Variants in IGF2BP2 observed in about 807,000 individuals in gnomAD.
IGF2BP2 encodes insulin-like growth factor 2 mRNA-binding protein 2.
IGF2BP2 carries 17 observed loss-of-function variants against 75.8 expected under a neutral mutation model. The observed-to-expected ratio is 0.22, with a 90% confidence interval of 0.15 to 0.34. IGF2BP2 has a LOEUF of 0.34. Among genes scored for constraint, IGF2BP2 ranks in the 10% least tolerant of loss-of-function variants. The probability of loss-of-function intolerance (pLI) is 1.00; values close to 1 mark genes in which losing one functional copy is unlikely to be tolerated. For missense variants in IGF2BP2, 516 were observed against 772.4 expected (o/e 0.67, Z 3.93); for synonymous variants, 288 against 295.6 (o/e 0.97, Z 0.26).
intron 2 of IGF2BP2, among the ~76,000 whole-genome samples, chr3:185,719,424 G>A (rs1726158164): frequency 1.3e-5 from 2 of 152,192 alleles, no homozygotes. Context: ...ACACCCCTAC[G>A]CAGAGCTCTT....
chr3:185,674,857 G>C (rs1056536547), intron 9 of IGF2BP2, among the ~76,000 whole-genome samples: 1 of 151,634 alleles, frequency 6.6e-6, no homozygotes, highest in Non-Finnish European at 1.5e-5. Flanking sequence ...TTAGAGATGG[G>C]GTCTCACTCT....
At chr3:185,658,487 C>G in intron 10 of IGF2BP2, 78 bp from the exon 11 acceptor site, 1 of 1,189,688 alleles carries the variant, frequency 8.4e-7, no homozygotes, top group Non-Finnish European at 1.2e-6. Flanking sequence ...AGATTCCCAA[C>G]ATGCGACACA....
At chr3:185,721,232 T>C (rs867524305) in intron 2 of IGF2BP2, among the ~76,000 whole-genome samples, 2 of 152,102 alleles carry the variant, frequency 1.3e-5, no homozygotes, top group African/African-American at 2.4e-5. Flanking sequence ...TTTTGTGAGA[T>C]GGTGTCTCGA....
At chr3:185,722,008 GT>G (rs1167001282) in intron 2 of IGF2BP2, 1,874 of 235,400 alleles carry the variant, frequency 8.0e-3, no homozygotes, top group South Asian at 0.016. Context: ...GCAAGTACTT[GT>G]TTTTTTTTTT....
intron 2 of IGF2BP2, among the ~76,000 whole-genome samples, chr3:185,746,123 G>A (rs1236720111): frequency 1.3e-5 from 2 of 152,152 alleles, no homozygotes; most frequent in Non-Finnish European, 2.9e-5. Flanking sequence ...AAACAAAAAT[G>A]TTTAGTTACT....
At chr3:185,780,627 T>G (rs879762795) in intron 2 of IGF2BP2, among the ~76,000 whole-genome samples, 1 of 152,148 alleles carries the variant, frequency 6.6e-6, no homozygotes, top group Non-Finnish European at 1.5e-5. Flanking sequence ...CACAGAAAGG[T>G]AGCTTTTTTC....
At chr3:185,776,080 TA>T (rs2149780062) in intron 2 of IGF2BP2, among the ~76,000 whole-genome samples, 1 of 151,968 alleles carries the variant, frequency 6.6e-6, no homozygotes, top group Non-Finnish European at 1.5e-5. Flanking sequence ...CACGTCTTTA[TA>T]AAAAACTTAA....
At chr3:185,692,591 G>T in intron 5 of IGF2BP2, 108 bp downstream of exon 5, 2 of 991,164 alleles carry the variant, frequency 2.0e-6, no homozygotes, top group Non-Finnish European at 3.1e-6. Context: ...CACATATCCA[G>T]CTCAAAGATC....
chr3:185,678,093 A>C (rs1041625827), intron 7 of IGF2BP2, among the ~76,000 whole-genome samples: 5 of 152,226 alleles, frequency 3.3e-5, no homozygotes, highest in African/African-American at 4.8e-5. Flanking sequence ...ATGTACATAC[A>C]AATCAAAAAA....
chr3:185,714,755 C>T (rs543000425), intron 2 of IGF2BP2, among the ~76,000 whole-genome samples: 1 of 152,292 alleles, frequency 6.6e-6, no homozygotes, highest in Non-Finnish European at 1.5e-5. Context: ...TGAGCCCAGC[C>T]TAGGCAACGT....
At chr3:185,730,788 G>A (rs951498535) in intron 2 of IGF2BP2, among the ~76,000 whole-genome samples, 7 of 152,036 alleles carry the variant, frequency 4.6e-5, no homozygotes, top group Admixed American at 3.9e-4. Flanking sequence ...AGTTCTTCAA[G>A]AAATCTCCGT....
intron 2 of IGF2BP2, among the ~76,000 whole-genome samples, chr3:185,746,257 C>T (rs1354861263): frequency 2.0e-5 from 3 of 152,176 alleles, no homozygotes; most frequent in South Asian, 2.1e-4. Flanking sequence ...CTTGAGTGGG[C>T]GGAGGGCAAT....
chr3:185,730,528 G>A (rs951323477), intron 2 of IGF2BP2, among the ~76,000 whole-genome samples: 1 of 148,560 alleles, frequency 6.7e-6, no homozygotes, highest in African/African-American at 2.5e-5. Flanking sequence ...TCCACCTCCA[G>A]GGTTCAAACA....
chr3:185,646,324 A>G (rs1207341752), intron 15 of IGF2BP2, among the ~76,000 whole-genome samples: 1 of 152,130 alleles, frequency 6.6e-6, no homozygotes, highest in African/African-American at 2.4e-5. Context: ...CCTTTCCTGG[A>G]CCATCAGGTC....
intron 14 of IGF2BP2, 29 bp downstream of exon 14, chr3:185,649,374 G>A (rs745590647): frequency 1.6e-5 from 26 of 1,610,594 alleles, no homozygotes; most frequent in Non-Finnish European, 2.1e-5. Context: ...TCTGACCCAG[G>A]TGATGAAGCG....
chr3:185,716,733 C>G (rs1448086738), intron 2 of IGF2BP2: 2 of 520,042 alleles, frequency 3.8e-6, no homozygotes, highest in East Asian at 1.1e-4. Flanking sequence ...CCTGTCAGCG[C>G]TGGCTGGTCA....
At chr3:185,770,953 G>A (rs1733786414) in intron 2 of IGF2BP2, among the ~76,000 whole-genome samples, 1 of 152,120 alleles carries the variant, frequency 6.6e-6, no homozygotes, top group Non-Finnish European at 1.5e-5. Context: ...GACTCACTAT[G>A]TTGCCCAGAC....
At chr3:185,752,273 G>T (rs569690397) in intron 2 of IGF2BP2, among the ~76,000 whole-genome samples, 2 of 152,124 alleles carry the variant, frequency 1.3e-5, no homozygotes, top group Admixed American at 1.3e-4. Context: ...CCATGTGCAG[G>T]AACAGGCCAT....
intron 7 of IGF2BP2, among the ~76,000 whole-genome samples, chr3:185,677,038 TATGGAG>T (rs1316866013): frequency 2.5e-4 from 17 of 69,088 alleles, no homozygotes; most frequent in African/African-American, 9.6e-4. Flanking sequence ...TATATATATA[TATGGAG>T]ATATATATAT....
Sources: gnomAD v4.1 joint callset for allele counts (sites outside exome capture counted in the v4.1 genomes callset) on GRCh38, gnomAD v4.1.1 for gene constraint, MANE v1.5 for transcripts, NCBI Gene and HGNC (gene_info 2026-07-23, HGNC 2026-07-21) for gene names.